Variants in MTX2 observed in about 807,000 individuals in gnomAD.
The protein encoded by MTX2 is metaxin 2, also known as metaxin-2.
MTX2 carries 35 observed loss-of-function variants against 42.3 expected under a neutral mutation model. That is an observed-to-expected ratio of 0.83 (90% CI 0.63 to 1.10). MTX2 has a LOEUF of 1.10. Among genes scored for constraint, MTX2 ranks in the 50% least tolerant of loss-of-function variants. MTX2 has a pLI of 0.00. For synonymous variants in MTX2, 119 were observed against 100.9 expected (o/e 1.18, Z -1.08); for missense variants, 307 against 304.1 (o/e 1.01, Z -0.07).
At chr2:176,275,345 TCTC>T (rs1465024826) in intron 1 of MTX2, among the ~76,000 whole-genome samples, 6 of 151,994 alleles carry the variant, frequency 3.9e-5, no homozygotes, top group Admixed American at 3.9e-4. Context: ...TTCAAGTTAT[TCTC>T]CTGCCTCAGC....
At chr2:176,310,249 T>C (rs2885206) in intron 3 of MTX2, among the ~76,000 whole-genome samples, 48,437 of 151,496 alleles carry the variant, frequency 0.32, 9,285 homozygotes, top group African/African-American at 0.53. Flanking sequence ...TCTCTTCTGG[T>C]TTGTAGGGTT....
At chr2:176,293,701 C>G (rs1402317639) in intron 1 of MTX2, among the ~76,000 whole-genome samples, 1 of 152,146 alleles carries the variant, frequency 6.6e-6, no homozygotes, top group Admixed American at 6.5e-5. Flanking sequence ...CACCGTGTTT[C>G]TTGTACAGTC....
intron 1 of MTX2, among the ~76,000 whole-genome samples, chr2:176,294,498 A>G (rs1683799971): frequency 6.6e-6 from 1 of 152,126 alleles, no homozygotes; most frequent in Non-Finnish European, 1.5e-5. Flanking sequence ...GCTGGTCTTG[A>G]ACTCCTGAGC....
At chr2:176,306,757 T>G (rs892336861) in intron 3 of MTX2, among the ~76,000 whole-genome samples, 1 of 152,196 alleles carries the variant, frequency 6.6e-6, no homozygotes, top group African/African-American at 2.4e-5. Flanking sequence ...TTGATGGGGT[T>G]GTTTTTTTCT....
chr2:176,291,016 G>T (rs1243090411), intron 1 of MTX2, among the ~76,000 whole-genome samples: 1 of 151,838 alleles, frequency 6.6e-6, no homozygotes, highest in Non-Finnish European at 1.5e-5. Context: ...TCTAACCCAA[G>T]AATCACCATT....
chr2:176,328,196 T>C, intron 5 of MTX2, 97 bp from the exon 6 acceptor site: 1 of 641,450 alleles, frequency 1.6e-6, no homozygotes, highest in Non-Finnish European at 2.5e-6. Context: ...TTTAATTCAT[T>C]GTATAGTTGC....
At chr2:176,278,458 A>G (rs1055233451) in intron 1 of MTX2, among the ~76,000 whole-genome samples, 1 of 152,192 alleles carries the variant, frequency 6.6e-6, no homozygotes, top group Non-Finnish European at 1.5e-5. Context: ...AGGCTGTAAT[A>G]TGAGTTTTAA....
Position 176,277,632 on chromosome 2 carries a change from C to T in MTX2, c.40+7963C>T, listed in dbSNP as rs377366707. Among the ~76,000 whole-genome samples, 254 of 152,264 alleles carry T rather than the reference C, an allele frequency of 1.7e-3. No individual in the cohort carries two copies. The South Asian group carries it at 0.02, about 12-fold the overall frequency. The stretch of plus-strand genomic sequence containing the variant: ...GTTCAGGCTGGTCTCGAACTCCCGA[C>T]CTCAGGTGATCTGCCCACCCCGGCC... On this transcript the variant is annotated intron_variant, in intron 1 of 9. Coordinates refer to ENST00000249442, the MANE Select transcript of MTX2 (RefSeq NM_006554.5).
rs1365658064 is a variant in MTX2, at chr2:176,328,905, TA to T, written c.411del (p.Glu139ArgfsTer15). The T allele has an allele frequency of 6.8e-6, 11 of 1,606,358 alleles. No homozygotes were observed. The highest frequency in any genetic ancestry group is 9.4e-6 in the Non-Finnish European group (11 of 1,174,928). On this transcript the variant is annotated frameshift_variant, in exon 7 of 10. Coordinates refer to ENST00000249442, the MANE Select transcript of MTX2 (RefSeq NM_006554.5). LOFTEE classifies it high-confidence loss of function. ...CTTCAGTGGTGTGATGAAGCTACAG[TA>T]GGGGAGGTGAGTGGTTCTGTAACAT... Reference protein sequence around the residue: ...LYLQWCDEATVGEITHARYGS... With the variant: ...LYLQWCDEATXGEITHARYGS...
intron 1 of MTX2, among the ~76,000 whole-genome samples, chr2:176,273,913 T>A (rs376632682): frequency 2.1e-5 from 3 of 145,134 alleles, no homozygotes; most frequent in Non-Finnish European, 3.0e-5. Flanking sequence ...TAATTTTCCT[T>A]AAAAAAAAAA....
chr2:176,290,591 C>A (rs1032928370), intron 1 of MTX2, among the ~76,000 whole-genome samples: 1 of 152,030 alleles, frequency 6.6e-6, no homozygotes, highest in African/African-American at 2.4e-5. Context: ...AAGAGATCAG[C>A]TTTTTATAAG....
At chr2:176,274,046 ATC>A (rs1488435969) in intron 1 of MTX2, among the ~76,000 whole-genome samples, 1 of 151,918 alleles carries the variant, frequency 6.6e-6, no homozygotes, top group Non-Finnish European at 1.5e-5. Flanking sequence ...ACTCCTGTTC[ATC>A]CTTTAAGACT....
intron 1 of MTX2, among the ~76,000 whole-genome samples, chr2:176,273,968 T>C (rs1318766908): frequency 6.6e-6 from 1 of 152,062 alleles, no homozygotes; most frequent in East Asian, 1.9e-4. Context: ...TCATTGTCAG[T>C]AGGACAGCCT....
chr2:176,276,138 G>C (rs1014731198), intron 1 of MTX2, among the ~76,000 whole-genome samples: 16 of 152,130 alleles, frequency 1.1e-4, no homozygotes, highest in Admixed American at 3.3e-4. Context: ...GTAAATAACA[G>C]ATAATTTAAT....
At chr2:176,324,180 T>A (rs1684650445) in intron 4 of MTX2, among the ~76,000 whole-genome samples, 1 of 151,628 alleles carries the variant, frequency 6.6e-6, no homozygotes, top group South Asian at 2.1e-4. Context: ...CCTTTTTGAA[T>A]AAATTATTAA....
intron 3 of MTX2, among the ~76,000 whole-genome samples, chr2:176,308,028 T>G (rs1353156163): frequency 1.3e-5 from 2 of 152,200 alleles, no homozygotes; most frequent in Non-Finnish European, 2.9e-5. Flanking sequence ...TGATATTGGC[T>G]GTGGGTTTGT....
chr2:176,277,844 AC>A (rs755556141), intron 1 of MTX2, among the ~76,000 whole-genome samples: 10 of 152,050 alleles, frequency 6.6e-5, no homozygotes, highest in African/African-American at 9.7e-5. Context: ...TAAAAAAAAA[AC>A]ATATTAGTCA....
chr2:176,317,621 A>AT (rs1684478989), intron 3 of MTX2, among the ~76,000 whole-genome samples: 1 of 152,146 alleles, frequency 6.6e-6, no homozygotes, highest in Non-Finnish European at 1.5e-5. Flanking sequence ...CCCACCCCCA[A>AT]TAAAACCATC....
chr2:176,269,602 C>G lies in MTX2; in HGVS notation c.-28C>G. 6.4e-7 allele frequency: 1 copy of G among 1,570,272 alleles called. No homozygotes were observed. The highest frequency in any genetic ancestry group is 8.6e-7 in the Non-Finnish European group (1 of 1,162,506). Reference sequence around the variant, plus strand: ...GACGCTGAGGCCCGTGGGGGGCAGGCACCCGGGCGCCGGGCCTCCCAGCCG... The same window carrying G: ...GACGCTGAGGCCCGTGGGGGGCAGGGACCCGGGCGCCGGGCCTCCCAGCCG... On this transcript the variant is annotated 5_prime_UTR_variant, in exon 1 of 10. Transcript: ENST00000249442.
Sources: gnomAD v4.1 joint callset for allele counts (sites outside exome capture counted in the v4.1 genomes callset) on GRCh38, gnomAD v4.1.1 for gene constraint, MANE v1.5 for transcripts, NCBI Gene and HGNC (gene_info 2026-07-23, HGNC 2026-07-21) for gene names.